VRK1: variants seen among roughly 807,000 people sequenced by gnomAD.
VRK1 encodes serine/threonine-protein kinase VRK1.
Under a neutral mutation model 57.1 loss-of-function variants are expected in VRK1, and 33 were observed. That is an observed-to-expected ratio of 0.58 (90% confidence interval 0.44 to 0.77). The LOEUF (loss-of-function observed/expected upper bound fraction) is 0.77, where lower values mean the gene tolerates loss of function less well. VRK1 is among the 30% of genes least tolerant of loss of function. The probability of loss-of-function intolerance (pLI) is 0.00; values close to 1 mark genes in which losing one functional copy is unlikely to be tolerated. For missense variants in VRK1, 413 were observed against 477.3 expected (o/e 0.87, Z 1.25); for synonymous variants, 137 against 147.8 (o/e 0.93, Z 0.53).
At chr14:96,822,595 A>G (rs531327165) in intron 1 of VRK1, among the ~76,000 whole-genome samples, 3 of 152,340 alleles carry the variant, frequency 2.0e-5, no homozygotes, top group African/African-American at 4.8e-5. Flanking sequence ...TCAAGCTTAT[A>G]TAGTTTATAG....
intron 11 of VRK1, among the ~76,000 whole-genome samples, chr14:96,869,774 C>G (rs1888739746): frequency 6.6e-6 from 1 of 151,994 alleles, no homozygotes; most frequent in Non-Finnish European, 1.5e-5. Flanking sequence ...AATTCTGTGT[C>G]TGCCATTTTC....
intron 11 of VRK1, 30 bp downstream of exon 11, chr14:96,860,765 T>C (rs1351092481): frequency 6.4e-7 from 1 of 1,563,304 alleles, no homozygotes; most frequent in Non-Finnish European, 8.8e-7. Flanking sequence ...TATTCTTTGG[T>C]CTTCTTGTGT....
chr14:96,848,919 G>C (rs1309997350), intron 5 of VRK1, among the ~76,000 whole-genome samples: 2 of 152,188 alleles, frequency 1.3e-5, no homozygotes, highest in African/African-American at 4.8e-5. Flanking sequence ...TCATTGAAGA[G>C]GCAGAACAGC....
At chr14:96,862,157 A>C (rs1018949757) in intron 11 of VRK1, among the ~76,000 whole-genome samples, 3 of 152,016 alleles carry the variant, frequency 2.0e-5, no homozygotes, top group Non-Finnish European at 2.9e-5. Flanking sequence ...GCTGGAGAAA[A>C]TGTAGTTTCT....
At chr14:96,872,873 T>C (rs757215158) in intron 11 of VRK1, among the ~76,000 whole-genome samples, 1 of 152,190 alleles carries the variant, frequency 6.6e-6, no homozygotes, top group Non-Finnish European at 1.5e-5. Flanking sequence ...AATAATTTAA[T>C]CAAATAAATA....
intron 11 of VRK1, among the ~76,000 whole-genome samples, chr14:96,871,286 C>A (rs1049219620): frequency 4.6e-5 from 7 of 152,148 alleles, no homozygotes; most frequent in Non-Finnish European, 1.0e-4. Context: ...TTGAGTTGTA[C>A]TTCCTTTCTA....
chr14:96,808,017 C>G (rs866006578), intron 1 of VRK1, among the ~76,000 whole-genome samples: 6 of 127,244 alleles, frequency 4.7e-5, no homozygotes, highest in Non-Finnish European at 9.8e-5. Context: ...CTCTCTCCCT[C>G]TGTGTGTGTG....
At chr14:96,877,572 C>T (rs1447947467) in intron 12 of VRK1, 3 of 1,289,380 alleles carry the variant, frequency 2.3e-6, no homozygotes, top group Non-Finnish European at 3.0e-6. Flanking sequence ...GCAGCTATGA[C>T]AGTGAGTGGG....
chr14:96,842,889 G>A (rs1435745301), intron 3 of VRK1, among the ~76,000 whole-genome samples: 2 of 152,206 alleles, frequency 1.3e-5, no homozygotes, highest in Non-Finnish European at 2.9e-5. Flanking sequence ...AGGGTGTGCA[G>A]GTACCCTCTG....
At chr14:96,856,272 TTCTA>T in intron 9 of VRK1, 22 bp downstream of exon 9, 1 of 1,611,008 alleles carries the variant, frequency 6.2e-7, no homozygotes, top group Non-Finnish European at 8.5e-7. Context: ...CTTAAGTTAT[TTCTA>T]GCAAAATCAT....
At chr14:96,846,606 A>G (rs770768842) in intron 4 of VRK1, among the ~76,000 whole-genome samples, 3 of 151,950 alleles carry the variant, frequency 2.0e-5, no homozygotes, top group Non-Finnish European at 4.4e-5. Flanking sequence ...AGAAGCAAGT[A>G]AACATTACAT....
intron 10 of VRK1, among the ~76,000 whole-genome samples, chr14:96,858,718 G>T (rs1453174998): frequency 6.6e-6 from 1 of 151,588 alleles, no homozygotes; most frequent in African/African-American, 2.4e-5. Context: ...CCTGTTTCTG[G>T]ACTCTCTTTT....
chr14:96,868,876 C>T (rs1264758171), intron 11 of VRK1, among the ~76,000 whole-genome samples: 1 of 149,110 alleles, frequency 6.7e-6, no homozygotes, highest in Non-Finnish European at 1.5e-5. Context: ...GATCTCGACT[C>T]ACCGCAGCCA....
intron 1 of VRK1, among the ~76,000 whole-genome samples, chr14:96,816,131 AGG>A (rs1335357423): frequency 1.3e-5 from 2 of 152,128 alleles, no homozygotes; most frequent in African/African-American, 4.8e-5. Flanking sequence ...GCCACATTGA[AGG>A]GGCCCCCGTT....
intron 1 of VRK1, among the ~76,000 whole-genome samples, chr14:96,818,683 T>G (rs1886484223): frequency 6.6e-6 from 1 of 152,208 alleles, no homozygotes; most frequent in Middle Eastern, 3.2e-3. Context: ...TTTTATACTT[T>G]CATTGATATG....
intron 11 of VRK1, among the ~76,000 whole-genome samples, chr14:96,866,418 G>A (rs895402906): frequency 1.3e-5 from 2 of 152,174 alleles, no homozygotes; most frequent in Non-Finnish European, 2.9e-5. Context: ...TGAATCCACA[G>A]TGAAAGAAAG....
intron 1 of VRK1, among the ~76,000 whole-genome samples, chr14:96,814,243 T>C (rs1462548620): frequency 6.6e-6 from 1 of 152,204 alleles, no homozygotes; most frequent in Non-Finnish European, 1.5e-5. Context: ...CTAGAGACTA[T>C]TGCTCTTTAA....
chr14:96,866,571 GTTT>G (rs1411347276), intron 11 of VRK1, among the ~76,000 whole-genome samples: 16 of 152,176 alleles, frequency 1.1e-4, no homozygotes, highest in African/African-American at 3.6e-4. Context: ...CTTTCTCCAG[GTTT>G]CTTCCCAGCC....
chr14:96,832,882 T>C (rs1887063361), intron 1 of VRK1, among the ~76,000 whole-genome samples: 1 of 152,162 alleles, frequency 6.6e-6, no homozygotes. Context: ...CGGTGCAATT[T>C]TCTGTTGTTC....
Sources: gnomAD v4.1 joint callset for allele counts (sites outside exome capture counted in the v4.1 genomes callset) on GRCh38, gnomAD v4.1.1 for gene constraint, MANE v1.5 for transcripts, NCBI Gene and HGNC (gene_info 2026-07-23, HGNC 2026-07-21) for gene names.